Variants in SNX29 observed in about 807,000 individuals in gnomAD.
SNX29 encodes the protein sorting nexin-29.
SNX29 carries 78 observed loss-of-function variants against 102.1 expected under a neutral mutation model. That is an observed-to-expected ratio of 0.76 (90% CI 0.64 to 0.92). The LOEUF (loss-of-function observed/expected upper bound fraction) is 0.92, where lower values mean the gene tolerates loss of function less well. Ranked by LOEUF, SNX29 falls within the 40% of genes least tolerant of loss-of-function variation. SNX29 has a pLI of 0.00. For synonymous variants in SNX29, 580 were observed against 414.5 expected, an observed-to-expected ratio of 1.40 and a Z score of -4.85; for missense variants, 1,280 against 1,061.7, an observed-to-expected ratio of 1.21 and a Z score of -2.86.
At chr16:12,223,628 C>T (rs911406085) in intron 14 of SNX29, among the ~76,000 whole-genome samples, 2 of 152,196 alleles carry the variant, frequency 1.3e-5, no homozygotes, top group African/African-American at 4.8e-5. Context: ...GGCGCCATTG[C>T]ACTCCAGCCT....
intron 15 of SNX29, among the ~76,000 whole-genome samples, chr16:12,287,385 A>T (rs1016986745): frequency 4.6e-5 from 7 of 150,864 alleles, no homozygotes; most frequent in African/African-American, 1.2e-4. Context: ...TTTTTTTTAA[A>T]TTTTTTTTTT....
At chr16:12,128,577 C>G (rs1022772540) in intron 12 of SNX29, among the ~76,000 whole-genome samples, 1 of 151,818 alleles carries the variant, frequency 6.6e-6, no homozygotes, top group Non-Finnish European at 1.5e-5. Flanking sequence ...CTCAGCCCCC[C>G]GAATAGCTGG....
At position 12,269,859 on chromosome 16, in the gene SNX29, C is replaced by CATT. The variant is rs72147365; in HGVS notation, c.1679-8058_1679-8056dup. ...TCACCATCATCATCATCATCATCAT[C>CATT]ATTATTATTATTATTATTTGAGATG... On this transcript the variant is annotated intron_variant, in intron 14 of 20. Transcript: ENST00000566228. 7.6e-3 allele frequency among the ~76,000 whole-genome samples: 1,142 copies of CATT among 150,486 alleles called. 10 individuals carry two copies. Among genetic ancestry groups the CATT allele is most frequent in the African/African-American group, 0.018 (741 of 40,866 alleles).
intron 11 of SNX29, among the ~76,000 whole-genome samples, chr16:12,117,750 A>G (rs978060512): frequency 6.6e-6 from 1 of 152,192 alleles, no homozygotes; most frequent in African/African-American, 2.4e-5. Context: ...TTCACTTTCA[A>G]ATGGTTAATT....
At chr16:12,416,285 G>A (rs890497279) in intron 18 of SNX29, among the ~76,000 whole-genome samples, 1 of 152,104 alleles carries the variant, frequency 6.6e-6, no homozygotes, top group Non-Finnish European at 1.5e-5. Flanking sequence ...TTGTCTCGGG[G>A]CACCGCCCAG....
intron 15 of SNX29, among the ~76,000 whole-genome samples, chr16:12,339,994 G>A (rs2081566531): frequency 6.6e-6 from 1 of 152,142 alleles, no homozygotes; most frequent in Non-Finnish European, 1.5e-5. Context: ...AATTCATCTT[G>A]GGCAGAGAGA....
At chr16:11,999,427 C>A (rs538512411) in intron 2 of SNX29, 69 bp downstream of exon 2, 2 of 1,496,702 alleles carry the variant, frequency 1.3e-6, no homozygotes, top group African/African-American at 2.8e-5. Context: ...TAGGTCATTT[C>A]TTCCCTATAA....
chr16:12,553,397 A>G (rs572755967), intron 20 of SNX29, among the ~76,000 whole-genome samples: 12 of 152,160 alleles, frequency 7.9e-5, no homozygotes, highest in Non-Finnish European at 1.6e-4. Context: ...ACATATAAGT[A>G]GTTCTGGTGG....
chr16:12,349,843 C>T (rs1363875325), intron 15 of SNX29, among the ~76,000 whole-genome samples: 1 of 152,148 alleles, frequency 6.6e-6, no homozygotes, highest in Non-Finnish European at 1.5e-5. Context: ...TCAGACACAG[C>T]ACTTATAGGT....
chr16:12,183,344 A>G (rs1274849076), intron 13 of SNX29, among the ~76,000 whole-genome samples: 2 of 152,096 alleles, frequency 1.3e-5, no homozygotes, highest in African/African-American at 4.8e-5. Context: ...ATTTTGAGAA[A>G]TTTCAAACCT....
intron 19 of SNX29, among the ~76,000 whole-genome samples, chr16:12,491,673 TCC>T (rs1218865351): frequency 1.3e-4 from 20 of 152,048 alleles, no homozygotes; most frequent in African/African-American, 4.8e-4. Flanking sequence ...ATGCTATCCC[TCC>T]CCCTTCCCCC....
intron 20 of SNX29, among the ~76,000 whole-genome samples, chr16:12,558,492 CTTTAGTT>C (rs2078514477): frequency 6.6e-6 from 1 of 152,200 alleles, no homozygotes; most frequent in Admixed American, 6.5e-5. Context: ...CACAGTGCAT[CTTTAGTT>C]TTTAATGAGC....
In SNX29 at chr16:12,568,626, C is replaced by T. The variant is rs752085442; in HGVS notation, c.2439C>T (p.Leu813=). ...ACGTGGAGCCCCAGAGCGGTGACCT[C>T]TGACCTCGACAAAACCGCAGCCACG... is the stretch of plus-strand genomic sequence containing the variant. ...TRNVEPQSGD[L] The change falls in exon 21 of 21, where the codon CTC becomes CTT. Residue 813 remains leucine, a synonymous_variant. Transcript: ENST00000566228. The T allele has an allele frequency of 2.5e-5, 40 of 1,602,914 alleles. No homozygotes were observed. In the South Asian group the frequency reaches 3.5e-4, roughly 14 times the overall value.
intron 16 of SNX29, among the ~76,000 whole-genome samples, chr16:12,380,192 T>C (rs1265004389): frequency 7.4e-6 from 1 of 135,116 alleles, no homozygotes; most frequent in Admixed American, 6.9e-5. Flanking sequence ...TTGGTCTCGG[T>C]TCCAGGGGTT....
intron 19 of SNX29, among the ~76,000 whole-genome samples, chr16:12,509,700 C>T (rs1424623009): frequency 6.6e-6 from 1 of 152,188 alleles, no homozygotes; most frequent in Non-Finnish European, 1.5e-5. Context: ...GGGAGGATGG[C>T]TTCAGCCCAG....
intron 20 of SNX29, among the ~76,000 whole-genome samples, chr16:12,559,169 G>C (rs1280322510): frequency 1.3e-5 from 2 of 152,114 alleles, no homozygotes; most frequent in South Asian, 2.1e-4. Flanking sequence ...CCAGTCCATA[G>C]CCTGTTAGGT....
At chr16:12,276,634 T>C (rs2079260630) in intron 14 of SNX29, among the ~76,000 whole-genome samples, 2 of 152,168 alleles carry the variant, frequency 1.3e-5, no homozygotes, top group South Asian at 2.1e-4. Context: ...TCCTGCATCA[T>C]TGATGCTTGT....
chr16:12,119,711 G>T (rs1321988713), intron 11 of SNX29, among the ~76,000 whole-genome samples: 2 of 152,086 alleles, frequency 1.3e-5, no homozygotes, highest in African/African-American at 4.8e-5. Context: ...GCCTGGCACT[G>T]CCCGCTTGGG....
intron 8 of SNX29, among the ~76,000 whole-genome samples, chr16:12,054,248 G>A (rs555927043): frequency 1.4e-4 from 22 of 152,248 alleles, no homozygotes; most frequent in Non-Finnish European, 3.1e-4. Flanking sequence ...TTACAGGCAT[G>A]AGCCACTGTG....
Sources: gnomAD v4.1 joint callset for allele counts (sites outside exome capture counted in the v4.1 genomes callset) on GRCh38, gnomAD v4.1.1 for gene constraint, MANE v1.5 for transcripts, NCBI Gene and HGNC (gene_info 2026-07-23, HGNC 2026-07-21) for gene names.